The following AGBL4 variants were observed in gnomAD, a reference collection of about 807,000 sequenced individuals.
AGBL4 encodes the protein AGBL carboxypeptidase 4.
A neutral mutation model predicts 66.4 loss-of-function variants in AGBL4; 58 were observed. The observed-to-expected ratio is 0.87, with a 90% CI of 0.71 to 1.09. The LOEUF is 1.09. Among genes scored for constraint, AGBL4 ranks in the 50% least tolerant of loss-of-function variants. The pLI is 0.00. For synonymous variants in AGBL4, 234 were observed against 222.9 expected, an observed-to-expected ratio of 1.05 and a Z score of -0.44; for missense variants, 579 against 631.0, an observed-to-expected ratio of 0.92 and a Z score of 0.88.
At chr1:49,577,575 T>C (rs1380840755) in intron 3 of AGBL4, among the ~76,000 whole-genome samples, 1 of 152,200 alleles carries the variant, frequency 6.6e-6, no homozygotes, top group Non-Finnish European at 1.5e-5. Context: ...GATATGGGCT[T>C]CCCTATCCTG....
intron 3 of AGBL4, among the ~76,000 whole-genome samples, chr1:49,469,185 A>G (rs1646689929): frequency 6.6e-6 from 1 of 151,872 alleles, no homozygotes; most frequent in Non-Finnish European, 1.5e-5. Flanking sequence ...GCAAAAATAC[A>G]TATGTTATTA....
Position 49,835,289 on chromosome 1 carries a change from C to T in AGBL4, c.157+16107G>A, listed in dbSNP as rs573500844. On this transcript the variant is annotated intron_variant, in intron 2 of 13. Coordinates refer to ENST00000371839, the MANE Select transcript of AGBL4 (RefSeq NM_032785.4). The stretch of plus-strand genomic sequence containing the variant: ...GTGCATATGTATTTAGGATAGTTAG[C>T]TCTTCTTGTTGCATTGATCCCTTTA... Among the ~76,000 whole-genome samples, 276 of 152,244 alleles carry T rather than the reference C, an allele frequency of 1.8e-3. 1 individual carries two copies. Among genetic ancestry groups the T allele is most frequent in the Non-Finnish European group, 2.3e-3 (159 of 68,012 alleles).
chr1:49,679,697 C>A (rs182597837), intron 3 of AGBL4, among the ~76,000 whole-genome samples: 6 of 151,932 alleles, frequency 3.9e-5, no homozygotes, highest in African/African-American at 1.5e-4. Flanking sequence ...TTTTAGAATT[C>A]TGTTTTTGAA....
chr1:49,230,681 T>C (rs909327460), intron 4 of AGBL4, among the ~76,000 whole-genome samples: 9 of 152,208 alleles, frequency 5.9e-5, no homozygotes, highest in Non-Finnish European at 1.0e-4. Context: ...GAAACAAAAA[T>C]AATATTCTCC....
chr1:48,620,127 GCTT>G (rs1459975514), intron 9 of AGBL4, among the ~76,000 whole-genome samples: 7 of 152,136 alleles, frequency 4.6e-5, no homozygotes, highest in African/African-American at 1.7e-4. Context: ...TGAAAGAAAA[GCTT>G]CTGGAACTGG....
intron 3 of AGBL4, among the ~76,000 whole-genome samples, chr1:49,519,035 G>C (rs1205448492): frequency 6.6e-6 from 1 of 152,038 alleles, no homozygotes; most frequent in Non-Finnish European, 1.5e-5. Flanking sequence ...AGTTTGCATA[G>C]AAAATGCAAA....
intron 1 of AGBL4, among the ~76,000 whole-genome samples, chr1:50,017,665 A>G (rs1195576338): frequency 1.3e-5 from 2 of 152,184 alleles, no homozygotes; most frequent in African/African-American, 4.8e-5. Flanking sequence ...TCTCACTTAT[A>G]AGTGGAAGCT....
chr1:49,960,236 T>TA (rs996986358), intron 1 of AGBL4, among the ~76,000 whole-genome samples: 3 of 151,992 alleles, frequency 2.0e-5, no homozygotes, highest in Non-Finnish European at 4.4e-5. Flanking sequence ...TATTCGCCCA[T>TA]AAAAAAGAAT....
chr1:48,925,876 T>C (rs1654514819), intron 5 of AGBL4, among the ~76,000 whole-genome samples: 1 of 152,164 alleles, frequency 6.6e-6, no homozygotes, highest in Non-Finnish European at 1.5e-5. Flanking sequence ...TAGAAGTTTT[T>C]TTCTGAGGTC....
At chr1:49,283,512 G>C (rs569623148) in intron 3 of AGBL4, among the ~76,000 whole-genome samples, 5 of 152,338 alleles carry the variant, frequency 3.3e-5, no homozygotes, top group African/African-American at 1.2e-4. Flanking sequence ...GAACAAAGCT[G>C]GATGGAGAAT....
chr1:49,781,779 C>T (rs533389930), intron 2 of AGBL4, among the ~76,000 whole-genome samples: 1 of 151,938 alleles, frequency 6.6e-6, no homozygotes, highest in Non-Finnish European at 1.5e-5. Flanking sequence ...AGTTTGACAT[C>T]CTCTGAAATA....
At chr1:49,906,846 G>A (rs1453447215) in intron 1 of AGBL4, among the ~76,000 whole-genome samples, 3 of 151,990 alleles carry the variant, frequency 2.0e-5, no homozygotes, top group African/African-American at 7.2e-5. Context: ...ATAGCAAAAA[G>A]AGCCTGCCAG....
At position 49,708,943 on chromosome 1, in the gene AGBL4, C is replaced by T. The variant is rs185277947; in HGVS notation, c.158-11506G>A. On this transcript the variant is annotated intron_variant, in intron 2 of 13. Transcript: ENST00000371839. ...CCTCTAGAACCTTCCTCTCCCAGAG[C>T]GACACCTGCCAAATGCCAGCCAGAG... 5.1e-4 allele frequency among the ~76,000 whole-genome samples: 78 copies of T among 152,274 alleles called. 1 individual carries two copies. The highest frequency in any genetic ancestry group is 1.4e-3 in the African/African-American group (58 of 41,570).
intron 11 of AGBL4, among the ~76,000 whole-genome samples, chr1:48,555,778 C>T (rs1285301420): frequency 6.6e-6 from 1 of 152,098 alleles, no homozygotes; most frequent in African/African-American, 2.4e-5. Flanking sequence ...GGCCTGAGCT[C>T]AGGCACTCTC....
At chr1:49,879,569 C>T (rs1479176871) in intron 1 of AGBL4, among the ~76,000 whole-genome samples, 2 of 147,852 alleles carry the variant, frequency 1.4e-5, no homozygotes, top group Non-Finnish European at 3.0e-5. Context: ...GGTAACCCGA[C>T]CTTTCTCTCT....
intron 4 of AGBL4, among the ~76,000 whole-genome samples, chr1:49,170,726 C>G: frequency 6.6e-6 from 1 of 150,804 alleles, no homozygotes; most frequent in South Asian, 2.1e-4. Flanking sequence ...TAAAACTTAT[C>G]CTTGGATAAA....
intron 6 of AGBL4, among the ~76,000 whole-genome samples, chr1:48,668,421 C>T (rs190584124): frequency 6.5e-4 from 66 of 101,766 alleles, no homozygotes; most frequent in Non-Finnish European, 8.0e-4. Flanking sequence ...AAGTCCAGCC[C>T]CCTTAGCCTA....
chr1:48,821,092 G>A (rs1429540360), intron 6 of AGBL4, among the ~76,000 whole-genome samples: 2 of 152,114 alleles, frequency 1.3e-5, no homozygotes, highest in Admixed American at 6.6e-5. Flanking sequence ...TCATTAAAAA[G>A]CAAAACAACA....
intron 3 of AGBL4, among the ~76,000 whole-genome samples, chr1:49,345,047 A>G (rs1645611365): frequency 6.6e-6 from 1 of 152,130 alleles, no homozygotes; most frequent in African/African-American, 2.4e-5. Context: ...TCTTTTTCTG[A>G]CCTGATTAAT....
Sources: gnomAD v4.1 joint callset for allele counts (sites outside exome capture counted in the v4.1 genomes callset) on GRCh38, gnomAD v4.1.1 for gene constraint, MANE v1.5 for transcripts, NCBI Gene and HGNC (gene_info 2026-07-23, HGNC 2026-07-21) for gene names.